The following SLC35F3 variants were observed in gnomAD, a reference collection of about 807,000 sequenced individuals.
SLC35F3 encodes the protein putative thiamine transporter SLC35F3.
In SLC35F3, 25 loss-of-function variants were observed where a neutral mutation model predicts 49.9. The ratio of observed to expected loss-of-function variants is 0.50; its 90% CI spans 0.37 to 0.70. The LOEUF is 0.70. SLC35F3 is among the 30% of genes least tolerant of loss of function. The pLI, the probability that SLC35F3 is intolerant of heterozygous loss-of-function variation, is 0.00. For missense variants in SLC35F3, 525 were observed against 639.8 expected (o/e 0.82, Z 1.94); for synonymous variants, 275 against 265.4 (o/e 1.04, Z -0.35).
chr1:234,320,595 T>G lies in SLC35F3; in HGVS notation c.1237+408T>G, dbSNP rs1335970575. On this transcript the variant is annotated intron_variant, in intron 7 of 7. Transcript: ENST00000366618. The surrounding 1 kb of genome is among the most constrained non-coding windows in gnomAD (Gnocchi z 4.8). The stretch of plus-strand genomic sequence containing the variant: ...GAAATGATGTAGCAGAAAAAAAATG[T>G]CACTTTTGCAGGTAACTTTCTGGGG... 6.6e-6 allele frequency among the ~76,000 whole-genome samples: 1 copy of G among 152,132 alleles called. No individual in the cohort carries two copies. Among genetic ancestry groups the G allele is most frequent in the Middle Eastern group, 3.2e-3 (1 of 316 alleles).
At chr1:234,049,798 C>A (rs916514511) in intron 2 of SLC35F3, among the ~76,000 whole-genome samples, 5 of 152,170 alleles carry the variant, frequency 3.3e-5, no homozygotes, top group Admixed American at 1.3e-4. Flanking sequence ...TACCCCAACC[C>A]CACGACGGGC....
rs1429249189 is a variant in SLC35F3, at chr1:234,270,188, A to G, written c.608+38447A>G. 3.3e-5 allele frequency among the ~76,000 whole-genome samples: 5 copies of G among 152,242 alleles called. 1 individual carries two copies. The highest frequency in any genetic ancestry group is 1.2e-4 in the African/African-American group (5 of 41,530). On this transcript the variant is annotated intron_variant, in intron 3 of 7. Transcript: ENST00000366618. ...CCTCCTGATTAATACCTTCATTCCT[A>G]CATGTGGATTTTGTTTTCGTTCATT... is the stretch of plus-strand genomic sequence containing the variant.
Position 233,985,079 on chromosome 1 carries a change from TG to T in SLC35F3, c.283+79323del, listed in dbSNP as rs1182629724. Among the ~76,000 whole-genome samples, 4 of 152,288 alleles carry T rather than the reference TG, an allele frequency of 2.6e-5. 1 individual carries two copies. Among genetic ancestry groups the T allele is most frequent in the Middle Eastern group, 6.8e-3 (2 of 294 alleles). Reference sequence around the variant, plus strand: ...AGGTGTAAAATGTCATATAAAAGGCTGGTAATGATGCTGATGTTCTGGTGGT... The same window carrying T: ...AGGTGTAAAATGTCATATAAAAGGCTGTAATGATGCTGATGTTCTGGTGGT... On this transcript the variant is annotated intron_variant, in intron 2 of 7. Coordinates refer to ENST00000366618, the MANE Select transcript of SLC35F3 (RefSeq NM_173508.4).
chr1:234,182,732 A>G (rs1666581497), intron 2 of SLC35F3, among the ~76,000 whole-genome samples: 1 of 151,644 alleles, frequency 6.6e-6, no homozygotes, highest in Admixed American at 6.5e-5. Context: ...TAATTACATG[A>G]TATTGTCAAA....
intron 2 of SLC35F3, among the ~76,000 whole-genome samples, chr1:234,198,078 C>G (rs890250405): frequency 2.0e-5 from 3 of 152,124 alleles, no homozygotes; most frequent in Admixed American, 1.3e-4. Flanking sequence ...AGATGGTTAA[C>G]CTGTGAGTCT....
At position 234,301,901 on chromosome 1, in the gene SLC35F3, A is replaced by G. The variant is rs1668698343; in HGVS notation, c.609-7200A>G. ...CATGTCCTTTGCAGGAACGTGGATG[A>G]AGCTGGAAGCCATCAGCCTCAGCAA... On this transcript the variant is annotated intron_variant, in intron 3 of 7. Coordinates refer to ENST00000366618, the MANE Select transcript of SLC35F3 (RefSeq NM_173508.4). 3.9e-5 allele frequency among the ~76,000 whole-genome samples: 6 copies of G among 152,246 alleles called. No homozygotes were observed. The South Asian group carries it at 1.2e-3, about 32-fold the overall frequency.
At chr1:233,997,847 G>A (rs578253046) in intron 2 of SLC35F3, among the ~76,000 whole-genome samples, 27 of 152,008 alleles carry the variant, frequency 1.8e-4, no homozygotes, top group Admixed American at 1.5e-3. Context: ...CGCCTCCCAG[G>A]TTCAAGTAAT....
At chr1:233,976,690 A>C (rs1663088350) in intron 2 of SLC35F3, among the ~76,000 whole-genome samples, 1 of 151,976 alleles carries the variant, frequency 6.6e-6, no homozygotes, top group African/African-American at 2.4e-5. Flanking sequence ...AGCTCACTGC[A>C]ACCTCTGACT....
intron 2 of SLC35F3, among the ~76,000 whole-genome samples, chr1:234,113,795 G>A (rs1200781109): frequency 6.6e-6 from 1 of 152,188 alleles, no homozygotes; most frequent in Non-Finnish European, 1.5e-5. Context: ...CCCGGGAGGT[G>A]GAGGTTGCAG....
chr1:234,074,224 C>T (rs1664762302), intron 2 of SLC35F3, among the ~76,000 whole-genome samples: 2 of 152,196 alleles, frequency 1.3e-5, no homozygotes, highest in South Asian at 4.1e-4. Flanking sequence ...TGGTCAGTAG[C>T]AGAAGCTTCC....
At chr1:234,053,781 A>G (rs1572033954) in intron 2 of SLC35F3, among the ~76,000 whole-genome samples, 1 of 152,050 alleles carries the variant, frequency 6.6e-6, no homozygotes, top group Non-Finnish European at 1.5e-5. Flanking sequence ...GGCTGGTACC[A>G]TTTGTTCCTT....
chr1:233,994,670 G>A (rs1663429730), intron 2 of SLC35F3, among the ~76,000 whole-genome samples: 1 of 152,180 alleles, frequency 6.6e-6, no homozygotes, highest in Non-Finnish European at 1.5e-5. Context: ...CATCTAGAGA[G>A]GTTTCCTGGT....
chr1:234,322,951 C>T, intron 7 of SLC35F3, 57 bp from the exon 8 acceptor site: 2 of 1,504,806 alleles, frequency 1.3e-6, no homozygotes, highest in Non-Finnish European at 1.8e-6. Context: ...TGCCCACTCT[C>T]CAGGGACATG....
At chr1:234,023,428 AAG>A (rs1421697969) in intron 2 of SLC35F3, among the ~76,000 whole-genome samples, 1 of 152,220 alleles carries the variant, frequency 6.6e-6, no homozygotes, top group East Asian at 1.9e-4. Context: ...CAACAAAATA[AAG>A]AGAGTAGTAT....
At chr1:233,967,212 C>T (rs1486447008) in intron 2 of SLC35F3, among the ~76,000 whole-genome samples, 1 of 152,018 alleles carries the variant, frequency 6.6e-6, no homozygotes, top group Non-Finnish European at 1.5e-5. Flanking sequence ...TATCTGCAGT[C>T]CTATCATAGA....
chr1:233,991,522 A>G (rs921318520), intron 2 of SLC35F3, among the ~76,000 whole-genome samples: 1 of 152,194 alleles, frequency 6.6e-6, no homozygotes, highest in Non-Finnish European at 1.5e-5. Context: ...TCAGACTTAG[A>G]GAGTGTTCAA....
At chr1:233,985,305 A>G (rs1276064554) in intron 2 of SLC35F3, among the ~76,000 whole-genome samples, 5 of 152,242 alleles carry the variant, frequency 3.3e-5, no homozygotes, top group Admixed American at 6.5e-5. Context: ...TGAACAGAGC[A>G]AAACTTGTCA....
chr1:234,276,622 C>T (rs372371550), intron 3 of SLC35F3, among the ~76,000 whole-genome samples: 1 of 151,888 alleles, frequency 6.6e-6, no homozygotes, highest in Non-Finnish European at 1.5e-5. Flanking sequence ...GAAGACATAA[C>T]GGGTAATTAA....
At chr1:233,977,364 A>T (rs1663108448) in intron 2 of SLC35F3, among the ~76,000 whole-genome samples, 1 of 152,342 alleles carries the variant, frequency 6.6e-6, no homozygotes, top group African/African-American at 2.4e-5. Flanking sequence ...AGAAGAGAAA[A>T]TTCACAGAGA....
Sources: allele counts gnomAD v4.1 joint callset (sites outside exome capture counted in the v4.1 genomes callset), GRCh38; gene constraint gnomAD v4.1.1; non-coding constraint Gnocchi (gnomAD v3.1); transcripts MANE v1.5; gene names NCBI Gene and HGNC (gene_info 2026-07-23, HGNC 2026-07-21).